The following KCNT1 variants were observed in gnomAD, a reference collection of about 807,000 sequenced individuals.
KCNT1 encodes potassium sodium-activated channel subfamily T member 1, also known as potassium channel subfamily T member 1.
Under a neutral mutation model 147.8 loss-of-function variants are expected in KCNT1, and 78 were observed. The observed-to-expected ratio is 0.53, with a 90% CI of 0.44 to 0.64. The LOEUF (loss-of-function observed/expected upper bound fraction) is 0.64. KCNT1 is among the 30% of genes least tolerant of loss of function. KCNT1 has a pLI of 0.00. For synonymous variants in KCNT1, 867 were observed against 748.8 expected, an observed-to-expected ratio of 1.16 and a Z score of -2.58; for missense variants, 1,419 against 1,750.3, an observed-to-expected ratio of 0.81 and a Z score of 3.38.
chr9:135,752,082 G>A lies in KCNT1; in HGVS notation c.434+1041G>A, dbSNP rs939547002. The A allele has an allele frequency of 3.1e-5, 8 of 259,784 alleles. No homozygotes were observed. The highest frequency in any genetic ancestry group is 1.1e-4 in the East Asian group (1 of 9,438). The allele number at this position is 259,784 out of a possible 1,614,324, so 16.1% of individuals were successfully genotyped here. ...CTCAAATGTCTGGTGCCGTTTATGC[G>A]TAAGAGTGCTCAGGCGCTGAGGGGC... is the stretch of plus-strand genomic sequence containing the variant. On this transcript the variant is annotated intron_variant, in intron 4 of 30. Coordinates refer to ENST00000371757, the MANE Select transcript of KCNT1 (RefSeq NM_020822.3). The surrounding 1 kb of genome is among the most constrained non-coding windows in gnomAD (Gnocchi z 5.1).
At chr9:135,740,755 A>G (rs1404964992) in intron 2 of KCNT1, among the ~76,000 whole-genome samples, 1 of 152,202 alleles carries the variant, frequency 6.6e-6, no homozygotes, top group East Asian at 1.9e-4. Context: ...GGCCCTCACC[A>G]CTTGGTCCCA....
At chr9:135,732,012 A>AGAGAGAGAGAGAGAGAGG in intron 2 of KCNT1, among the ~76,000 whole-genome samples, 1 of 112,698 alleles carries the variant, frequency 8.9e-6, no homozygotes, top group East Asian at 2.8e-4. Flanking sequence ...AGAGAGAGAG[A>AGAGAGAGAGAGAGAGAGG]GAGAGAGAGA....
At chr9:135,785,234 G>A in intron 27 of KCNT1, 76 bp from the exon 28 acceptor site, 1 of 1,591,968 alleles carries the variant, frequency 6.3e-7, no homozygotes. Context: ...CATGTTCCGT[G>A]CAGACCCCAG....
chr9:135,786,010 C>A, intron 28 of KCNT1, 187 bp from the exon 29 acceptor site: 1 of 601,694 alleles, frequency 1.7e-6, no homozygotes, highest in South Asian at 2.0e-5. Flanking sequence ...CAGGCACATT[C>A]TTTCCAGAGG....
rs761869915 is a variant in KCNT1, at chr9:135,702,339, C to T, written c.81C>T (p.Phe27=). The T allele has an allele frequency of 4.3e-6, 7 of 1,611,616 alleles. No individual in the cohort carries two copies. The highest frequency in any genetic ancestry group is 3.3e-4 in the Middle Eastern group (2 of 6,036). The change falls in exon 1 of 31, where the codon TTC becomes TTT. Residue 27 remains phenylalanine (F), a synonymous_variant. Transcript: ENST00000371757. ...GCGGGGGCTACACCAACCGGACCTT[C>T]GAGTTTGACGACGGCCAATGCGCCC... ...ARGGGYTNRT[F]EFDDGQCAPR... is the part of the protein sequence containing the mutation.
chr9:135,756,786 G>A (rs560793024), intron 6 of KCNT1, 87 bp from the exon 7 acceptor site: 7 of 1,072,252 alleles, frequency 6.5e-6, no homozygotes, highest in South Asian at 2.5e-5. Flanking sequence ...CTGGCTTTGT[G>A]TGGTACCTGC....
chr9:135,705,115 A>G (rs1835199545), intron 1 of KCNT1, among the ~76,000 whole-genome samples: 1 of 152,102 alleles, frequency 6.6e-6, no homozygotes, highest in Non-Finnish European at 1.5e-5. Flanking sequence ...TAACACAGAA[A>G]ATTACTTGGG....
intron 19 of KCNT1, among the ~76,000 whole-genome samples, chr9:135,774,488 C>A (rs1047111898): frequency 8.1e-6 from 1 of 123,206 alleles, no homozygotes; most frequent in African/African-American, 3.2e-5. Flanking sequence ...CGTGTTGTGT[C>A]TGTGTGGTGT....
chr9:135,774,669 TGTCC>T (rs1416301777), intron 19 of KCNT1, among the ~76,000 whole-genome samples: 2 of 152,120 alleles, frequency 1.3e-5, no homozygotes, highest in East Asian at 3.9e-4. Context: ...GTATGTTATG[TGTCC>T]GTGCACGTGG....
In KCNT1 at chr9:135,703,338, G is replaced by A. The variant is rs147925127; in HGVS notation, c.110+970G>A. Among the ~76,000 whole-genome samples, 32 of 152,324 alleles carry A rather than the reference G, an allele frequency of 2.1e-4. No homozygotes were observed. In the East Asian group the frequency reaches 4.8e-3, roughly 23 times the overall value. ...TACCTGAGAGCGGGAGGCCTGGTGC[G>A]GCTGCCTGTTTGTTCTATGGGACTC... On this transcript the variant is annotated intron_variant, in intron 1 of 30. Transcript: ENST00000371757.
intron 5 of KCNT1, among the ~76,000 whole-genome samples, chr9:135,754,711 A>G (rs1027406149): frequency 5.9e-5 from 9 of 152,294 alleles, no homozygotes; most frequent in Admixed American, 5.9e-4. Context: ...AGGGACATTC[A>G]TGGGAGCCCG....
chr9:135,785,462 TC>T, intron 28 of KCNT1, 132 bp downstream of exon 28: 1 of 1,127,474 alleles, frequency 8.9e-7, no homozygotes, highest in Non-Finnish European at 1.3e-6. Flanking sequence ...CAGGAGCGGG[TC>T]CCACGGATGT....
chr9:135,786,346 C>A lies in KCNT1; in HGVS notation c.3327C>A (p.Ser1109Arg). ...PAEHPLLRRK[S>R]LQWARRLSRK... is the part of the protein sequence containing the mutation. Reference sequence around the variant, plus strand: ...AGCACCCACTGCTACGGCGCAAGAGCCTGCAGTGGGCCCGGAGGCTGAGCC... The same window carrying A: ...AGCACCCACTGCTACGGCGCAAGAGACTGCAGTGGGCCCGGAGGCTGAGCC... Residue 1109 changes from serine to arginine, a missense_variant, in exon 29 of 31, where the codon AGC becomes AGA. Coordinates refer to ENST00000371757, the MANE Select transcript of KCNT1 (RefSeq NM_020822.3). 1 of 1,589,150 alleles carries A rather than the reference C, an allele frequency of 6.3e-7. No homozygotes were observed. Among genetic ancestry groups the A allele is most frequent in the Non-Finnish European group, 8.6e-7 (1 of 1,169,148 alleles).
chr9:135,727,555 AG>A (rs1836269317), intron 2 of KCNT1, among the ~76,000 whole-genome samples: 1 of 151,306 alleles, frequency 6.6e-6, no homozygotes, highest in African/African-American at 2.4e-5. Flanking sequence ...GGGAACGGGG[AG>A]GGGGAGCCCA....
intron 2 of KCNT1, among the ~76,000 whole-genome samples, chr9:135,744,753 C>A (rs1399595277): frequency 1.3e-5 from 2 of 152,226 alleles, no homozygotes; most frequent in African/African-American, 4.8e-5. Context: ...CCTGTGGATT[C>A]CTCAGGGACC....
chr9:135,705,844 G>A (rs1835230396), intron 1 of KCNT1, among the ~76,000 whole-genome samples: 1 of 152,098 alleles, frequency 6.6e-6, no homozygotes, highest in Non-Finnish European at 1.5e-5. Flanking sequence ...TCCTGGGGTA[G>A]GTCCCTGGGA....
intron 1 of KCNT1, among the ~76,000 whole-genome samples, chr9:135,710,749 A>T (rs1835452416): frequency 6.6e-6 from 1 of 152,332 alleles, no homozygotes; most frequent in East Asian, 1.9e-4. Flanking sequence ...TTGCACGTAT[A>T]GTCTTCAGGA....
chr9:135,778,821 C>T lies in KCNT1; in HGVS notation c.2728C>T (p.Arg910Trp), dbSNP rs1249219901. ...KTIVNVQTMF[R>W]LFPSLSITTE... is the part of the protein sequence containing the mutation. ...CATCGTCAACGTGCAGACCATGTTC[C>T]GGTGCGTCCAGTGTCCGGGGCTCGG... Residue 910 changes from arginine (R) to tryptophan (W), a missense_variant and splice_region_variant, in exon 23 of 31, where the codon CGG becomes TGG. Arg to Trp is a moderately radical substitution (Grantham distance 101). Around this residue, in one of 5 missense-constraint regions of KCNT1, gnomAD observed 247 missense variants for 397.1 expected, o/e 0.62. Coordinates refer to ENST00000371757, the MANE Select transcript of KCNT1 (RefSeq NM_020822.3). The T allele has an allele frequency of 5.6e-6, 9 of 1,613,466 alleles. No individual in the cohort carries two copies. Among genetic ancestry groups the T allele is most frequent in the East Asian group, 2.2e-5 (1 of 44,890 alleles).
intron 2 of KCNT1, among the ~76,000 whole-genome samples, chr9:135,726,474 C>G (rs949790404): frequency 6.6e-6 from 1 of 152,088 alleles, no homozygotes; most frequent in African/African-American, 2.4e-5. Context: ...TCTTTACCCC[C>G]ACCCCGTTCC....
Sources: allele counts gnomAD v4.1 joint callset (sites outside exome capture counted in the v4.1 genomes callset), GRCh38; gene constraint gnomAD v4.1.1; regional missense constraint gnomAD v4.1.1; non-coding constraint Gnocchi (gnomAD v3.1); transcripts MANE v1.5; gene names NCBI Gene and HGNC (gene_info 2026-07-23, HGNC 2026-07-21).